OLAH: variants seen among roughly 807,000 people sequenced by gnomAD.
The protein encoded by OLAH is oleoyl-ACP hydrolase.
OLAH carries 33 observed loss-of-function variants against 27.8 expected under a neutral mutation model. That is an observed-to-expected ratio of 1.19 (90% CI 0.90 to 1.59). OLAH has a LOEUF of 1.59. OLAH is among the 40% of genes most tolerant of loss of function. The pLI, the probability that OLAH is intolerant of heterozygous loss-of-function variation, is 0.00. For missense variants in OLAH, 359 were observed against 310.8 expected (o/e 1.16, Z -1.17); for synonymous variants, 120 against 102.9 (o/e 1.17, Z -1.01).
Position 15,047,267 on chromosome 10 carries a change from T to A in OLAH, c.-22T>A. 1.2e-6 allele frequency: 2 copies of A among 1,613,108 alleles called. No homozygotes were observed. Among genetic ancestry groups the A allele is most frequent in the Non-Finnish European group, 1.7e-6 (2 of 1,179,544 alleles). ...CTCAACACGCCACAGAGACCAGCCA[T>A]CTTGCAACCTCACCTCACAGCATGG... On this transcript the variant is annotated 5_prime_UTR_variant, in exon 2 of 8. Coordinates refer to ENST00000378228, the MANE Select transcript of OLAH (RefSeq NM_001039702.3).
At chr10:15,058,939 T>TCTCATTCCCTTCGCTCC (rs764065794) in intron 3 of OLAH, among the ~76,000 whole-genome samples, 1 of 67,916 alleles carries the variant, frequency 1.5e-5, no homozygotes, top group East Asian at 4.6e-4. Flanking sequence ...TCCTTCCCTC[T>TCTCATTCCCTTCGCTCC]CTCCTTCCCT....
At chr10:15,069,798 A>G (rs1436581086) in intron 6 of OLAH, among the ~76,000 whole-genome samples, 2 of 152,110 alleles carry the variant, frequency 1.3e-5, no homozygotes, top group East Asian at 3.9e-4. Context: ...CCCAGGAGAC[A>G]GAGGTTGCAA....
At chr10:15,052,729 C>CTTTT (rs1366770171) in intron 3 of OLAH, among the ~76,000 whole-genome samples, 1 of 130,868 alleles carries the variant, frequency 7.6e-6, no homozygotes, top group Non-Finnish European at 1.6e-5. Context: ...GAGGGCTTTT[C>CTTTT]TTTTTTTTTT....
At position 15,064,471 on chromosome 10, in the gene OLAH, A is replaced by G. The variant is rs1362801554; in HGVS notation, c.371A>G (p.His124Arg). The stretch of plus-strand genomic sequence containing the variant: ...GAAAACAATCAACCAGAACCATTGC[A>G]TTTATTTTTGTCAAGTGCAACTCCT... ...LKENNQPEPL[H>R]LFLSSATPVH... The change falls in exon 5 of 8, where the codon CAT (histidine) becomes CGT (arginine). Residue 124 changes from histidine to arginine, a missense_variant. Physicochemically the swap from His to Arg is conservative, Grantham distance 29. Coordinates refer to ENST00000378228, the MANE Select transcript of OLAH (RefSeq NM_001039702.3). The G allele has an allele frequency of 2.1e-5, 34 of 1,593,960 alleles. No homozygotes were observed. Among genetic ancestry groups the G allele is most frequent in the Non-Finnish European group, 2.9e-5 (34 of 1,172,898 alleles).
intron 3 of OLAH, 44 bp downstream of exon 3, chr10:15,049,809 A>G: frequency 6.4e-7 from 1 of 1,552,468 alleles, no homozygotes; most frequent in Non-Finnish European, 8.7e-7. Context: ...AAAAGGGCAG[A>G]TGACATAAAT....
intron 3 of OLAH, chr10:15,056,760 A>T (rs1589246002): frequency 7.7e-7 from 1 of 1,297,942 alleles, no homozygotes; most frequent in East Asian, 3.1e-5. Flanking sequence ...CCTCCTGAGT[A>T]GCTGGGACTA....
intron 3 of OLAH, among the ~76,000 whole-genome samples, chr10:15,055,461 T>C (rs1031624442): frequency 2.0e-5 from 3 of 152,216 alleles, no homozygotes; most frequent in African/African-American, 7.2e-5. Flanking sequence ...TATACCTGTG[T>C]ATTCCTCAAA....
At chr10:15,059,967 T>C (rs1844331004) in intron 3 of OLAH, among the ~76,000 whole-genome samples, 1 of 152,196 alleles carries the variant, frequency 6.6e-6, no homozygotes, top group Non-Finnish European at 1.5e-5. Context: ...TTGAGTTTCC[T>C]TGAACTTCTT....
rs113144165 is a variant in OLAH at position 15,035,472 on chromosome 10, G to C, written c.-164+3122G>C. On this transcript the variant is annotated intron_variant, in intron 1 of 3. Transcript: ENST00000413672. ...TAGGAAAAGGCACGGGTCACACAGC[G>C]AAAGCAGGAGCAAAAGAGAAAGCTG... Among the ~76,000 whole-genome samples the C allele has an allele frequency of 8.0e-3, 1,216 of 152,230 alleles. 15 individuals are homozygous for C. The highest frequency in any genetic ancestry group is 0.028 in the African/African-American group (1,158 of 41,520).
chr10:15,040,658 C>T (rs768079490), upstream of OLAH, among the ~76,000 whole-genome samples: 2 of 150,706 alleles, frequency 1.3e-5, no homozygotes, highest in African/African-American at 2.4e-5. Context: ...AACCGCTACC[C>T]CGTTTTCTAC....
intron 3 of OLAH, among the ~76,000 whole-genome samples, chr10:15,058,477 G>A (rs968595726): frequency 3.9e-5 from 6 of 152,080 alleles, no homozygotes; most frequent in Non-Finnish European, 5.9e-5. Flanking sequence ...TCTTATAAGA[G>A]TGTTATTCCA....
At chr10:15,033,367 C>G (rs1344232479) in intron 1 of OLAH, among the ~76,000 whole-genome samples, 2 of 151,930 alleles carry the variant, frequency 1.3e-5, no homozygotes, top group African/African-American at 4.8e-5. Flanking sequence ...GGCATATCAG[C>G]AAGATCATTT....
At chr10:15,035,449 G>T (rs1414469196) in intron 1 of OLAH, among the ~76,000 whole-genome samples, 1 of 152,132 alleles carries the variant, frequency 6.6e-6, no homozygotes, top group African/African-American at 2.4e-5. Flanking sequence ...AGGGGAAGTA[G>T]GAAAAGGCAC....
Position 15,061,750 on chromosome 10 carries a change from G to C in OLAH, c.190G>C (p.Glu64Gln). The C allele has an allele frequency of 6.2e-7, 1 of 1,613,098 alleles. No individual in the cohort carries two copies. The highest frequency in any genetic ancestry group is 8.5e-7 in the Non-Finnish European group (1 of 1,179,654). The change falls in exon 4 of 8, where the codon GAA becomes CAA. Residue 64 changes from glutamate to glutamine, a missense_variant. Glu to Gln is a conservative substitution (Grantham distance 29). Coordinates refer to ENST00000378228, the MANE Select transcript of OLAH (RefSeq NM_001039702.3). ...EVHSLRLPGR[E>Q]SRVEEPLEND... ...GCACTCCTTAAGGCTTCCTGGAAGA[G>C]AAAGCAGAGTTGAAGAACCTCTTGA...
In OLAH at chr10:15,061,750, GAA is replaced by G. The variant is rs1201123236; in HGVS notation, c.192_193del (p.Ser65GlnfsTer3). 1 of 1,612,980 alleles carries G rather than the reference GAA, an allele frequency of 6.2e-7. No homozygotes were observed. The highest frequency in any genetic ancestry group is 1.3e-5 in the African/African-American group (1 of 74,886). ...GCACTCCTTAAGGCTTCCTGGAAGA[GAA>G]AGCAGAGTTGAAGAACCTCTTGAAA... ...EVHSLRLPGR[E>X]SRVEEPLEND... On this transcript the variant is annotated frameshift_variant, in exon 4 of 8. Coordinates refer to ENST00000378228, the MANE Select transcript of OLAH (RefSeq NM_001039702.3). LOFTEE classifies it high-confidence loss of function.
At chr10:15,036,551 C>T (rs144267269) in intron 1 of OLAH, among the ~76,000 whole-genome samples, 1 of 152,266 alleles carries the variant, frequency 6.6e-6, no homozygotes, top group Non-Finnish European at 1.5e-5. Context: ...TGCAGTGCCA[C>T]AACCACAGCT....
At chr10:15,065,435 C>A in intron 5 of OLAH, 149 bp from the exon 6 acceptor site, 1 of 737,390 alleles carries the variant, frequency 1.4e-6, no homozygotes, top group Non-Finnish European at 2.1e-6. Flanking sequence ...ACTTTCAAAA[C>A]GACATAGTTC....
In OLAH at chr10:15,073,332, T is replaced by C. The variant is rs1844630297; in HGVS notation, c.*103T>C. 1.3e-6 allele frequency: 1 copy of C among 763,046 alleles called. No individual in the cohort carries two copies. The highest frequency in any genetic ancestry group is 2.1e-6 in the Non-Finnish European group (1 of 479,580). 47.3% of individuals were successfully genotyped at this position (763,046 alleles called of 1,614,324 possible). A position where few individuals can be genotyped will look rare whatever the true frequency, so the allele number is the denominator to read the frequency against. On this transcript the variant is annotated 3_prime_UTR_variant, in exon 8 of 8. Transcript: ENST00000378228. ...TTCAGATTGGAAATTACACATTTTC[T>C]ACTGTCAGGGAGATTCGTTACATAA... is the stretch of plus-strand genomic sequence containing the variant.
Position 15,065,680 on chromosome 10 carries a change from G to A in OLAH, c.499G>A (p.Ala167Thr), listed in dbSNP as rs534378486. ...ATTTGGAGGCACCCCCAAGCATTTT[G>A]CTGAAGCCAAGGAATTTGTGAAACA... ...MEFGGTPKHF[A>T]EAKEFVKQCS... The change falls in exon 6 of 8, where the codon GCT (alanine) becomes ACT (threonine). Residue 167 changes from alanine (A) to threonine (T), a missense_variant. Transcript: ENST00000378228. 1.2e-6 allele frequency: 2 copies of A among 1,614,136 alleles called. No individual in the cohort carries two copies. Among genetic ancestry groups the A allele is most frequent in the Non-Finnish European group, 1.7e-6 (2 of 1,180,000 alleles).
Sources: gnomAD v4.1 joint callset for allele counts (sites outside exome capture counted in the v4.1 genomes callset) on GRCh38, gnomAD v4.1.1 for gene constraint, MANE v1.5 for transcripts, NCBI Gene and HGNC (gene_info 2026-07-23, HGNC 2026-07-21) for gene names.